Variants in MSI2 observed in about 807,000 individuals in gnomAD.
MSI2 encodes the protein RNA-binding protein Musashi homolog 2.
MSI2 carries 17 observed loss-of-function variants against 45.6 expected under a neutral mutation model. The ratio of observed to expected loss-of-function variants is 0.37; its 90% CI spans 0.26 to 0.56. MSI2 has a LOEUF of 0.56. Ranked by LOEUF, MSI2 falls within the 20% of genes least tolerant of loss-of-function variation. MSI2 has a pLI of 0.77. For synonymous variants in MSI2, 156 were observed against 158.2 expected (o/e 0.99, Z 0.11); for missense variants, 293 against 444.2 (o/e 0.66, Z 3.06).
chr17:57,469,702 G>C (rs2085397036), intron 6 of MSI2, among the ~76,000 whole-genome samples: 2 of 152,204 alleles, frequency 1.3e-5, no homozygotes, highest in Non-Finnish European at 1.5e-5. Context: ...AAAGTGAGAA[G>C]GGCAGGAACT....
the MSI2 span, among the ~76,000 whole-genome samples, chr17:57,698,081 A>G: frequency 2.0e-5 from 3 of 152,074 alleles, no homozygotes; most frequent in African/African-American, 4.8e-5. Context: ...ACACCCTCTC[A>G]GCAGGATTCT....
the MSI2 span, among the ~76,000 whole-genome samples, chr17:57,697,794 C>T: frequency 7.2e-5 from 11 of 152,200 alleles, no homozygotes; most frequent in Admixed American, 3.9e-4. Context: ...GAGAACAGTA[C>T]GGGGGAAACC....
At chr17:57,384,594 G>A (rs978454491) in intron 5 of MSI2, among the ~76,000 whole-genome samples, 1 of 152,194 alleles carries the variant, frequency 6.6e-6, no homozygotes, top group Non-Finnish European at 1.5e-5. Flanking sequence ...AGACTCGAGG[G>A]GAGGGACAGA....
chr17:57,400,326 T>G (rs1386581471), intron 5 of MSI2, among the ~76,000 whole-genome samples: 2 of 152,084 alleles, frequency 1.3e-5, no homozygotes, highest in African/African-American at 2.4e-5. Flanking sequence ...TTTTTCTTGA[T>G]TTTTGGCTCC....
At chr17:57,370,588 A>G (rs1323927460) in intron 5 of MSI2, among the ~76,000 whole-genome samples, 3 of 152,198 alleles carry the variant, frequency 2.0e-5, no homozygotes, top group African/African-American at 4.8e-5. Flanking sequence ...AATGATGGCC[A>G]GTTGACCACA....
At chr17:57,463,911 G>C (rs561063624) in intron 6 of MSI2, among the ~76,000 whole-genome samples, 1 of 152,092 alleles carries the variant, frequency 6.6e-6, no homozygotes, top group Non-Finnish European at 1.5e-5. Flanking sequence ...TCAGACTGAA[G>C]AGTTTACCTG....
At chr17:57,507,271 GTGTGTGTGTC>G (rs2143914903) in intron 6 of MSI2, among the ~76,000 whole-genome samples, 1 of 137,400 alleles carries the variant, frequency 7.3e-6, no homozygotes, top group African/African-American at 2.8e-5. Context: ...GTGTGTGTGT[GTGTGTGTGTC>G]TCCCCCACCC....
chr17:57,342,249 A>C (rs1915232316), intron 5 of MSI2, among the ~76,000 whole-genome samples: 1 of 152,200 alleles, frequency 6.6e-6, no homozygotes, highest in Non-Finnish European at 1.5e-5. Flanking sequence ...CACCTCTTTG[A>C]TACATGGACA....
chr17:57,506,924 G>A (rs561989459), intron 6 of MSI2, among the ~76,000 whole-genome samples: 1 of 152,232 alleles, frequency 6.6e-6, no homozygotes, highest in South Asian at 2.1e-4. Context: ...AGGATCTGTA[G>A]GGTGATTTTC....
At chr17:57,340,811 G>A (rs145797806) in intron 5 of MSI2, among the ~76,000 whole-genome samples, 45 of 152,276 alleles carry the variant, frequency 3.0e-4, no homozygotes, top group Non-Finnish European at 4.3e-4. Context: ...GATTTCCAGC[G>A]TGCCAGACAT....
At chr17:57,402,927 T>A (rs2143111325) in intron 6 of MSI2, among the ~76,000 whole-genome samples, 1 of 152,288 alleles carries the variant, frequency 6.6e-6, no homozygotes, top group Non-Finnish European at 1.5e-5. Flanking sequence ...TCTTCCAGAC[T>A]GATGTAAAGC....
chr17:57,326,770 G>A (rs1477592578), intron 5 of MSI2, among the ~76,000 whole-genome samples: 4 of 152,228 alleles, frequency 2.6e-5, no homozygotes, highest in African/African-American at 9.6e-5. Flanking sequence ...GGCAGCTGCT[G>A]CTGAAGTAGC....
rs1905246503 is a variant in MSI2, at chr17:57,596,349, C to T, written c.455-519C>T. On this transcript the variant is annotated intron_variant, in intron 7 of 13. Coordinates refer to ENST00000284073, the MANE Select transcript of MSI2 (RefSeq NM_138962.4). This position sits in a 1 kb window ranked among gnomAD's most constrained non-coding sequence, Gnocchi z 4.6. ...GTATAAAAAGGATGCCTGCGCGGAA[C>T]AGAGGCCTGAAACTTTTAATAGTTT... Among the ~76,000 whole-genome samples the T allele has an allele frequency of 6.6e-6, 1 of 152,244 alleles. No individual in the cohort carries two copies. Among genetic ancestry groups the T allele is most frequent in the Non-Finnish European group, 1.5e-5 (1 of 68,048 alleles).
At chr17:57,550,522 G>A (rs774783858) in intron 7 of MSI2, among the ~76,000 whole-genome samples, 8 of 152,238 alleles carry the variant, frequency 5.3e-5, no homozygotes, top group Non-Finnish European at 1.0e-4. Flanking sequence ...GGGGTCACAG[G>A]GAAAGAACAC....
intron 5 of MSI2, among the ~76,000 whole-genome samples, chr17:57,347,722 G>C (rs1915723995): frequency 6.6e-6 from 1 of 152,204 alleles, no homozygotes; most frequent in Non-Finnish European, 1.5e-5. Flanking sequence ...GAGTAGGTTT[G>C]TCTCTAGGTT....
chr17:57,464,180 C>T (rs1026943222), intron 6 of MSI2, among the ~76,000 whole-genome samples: 1 of 152,080 alleles, frequency 6.6e-6, no homozygotes, highest in South Asian at 2.1e-4. Flanking sequence ...CAGTGGCTCA[C>T]GCTTGTAATT....
chr17:57,367,531 A>G (rs1040959981), intron 5 of MSI2, among the ~76,000 whole-genome samples: 1 of 152,110 alleles, frequency 6.6e-6, no homozygotes, highest in African/African-American at 2.4e-5. Flanking sequence ...GGCCTGCCCC[A>G]TTGGGCCGGA....
intron 5 of MSI2, chr17:57,264,341 A>G (rs1481585766): frequency 6.6e-6 from 1 of 152,104 alleles, no homozygotes; most frequent in Non-Finnish European, 1.5e-5. Context: ...AAGACGTTGC[A>G]TGGTAATGCC....
chr17:57,284,848 C>G (rs4528641), intron 5 of MSI2, among the ~76,000 whole-genome samples: 4,066 of 151,686 alleles, frequency 0.027, 193 homozygotes, highest in African/African-American at 0.094. Context: ...GGGAGAAGCT[C>G]AAGTTGGCCA....
Sources: gnomAD v4.1 joint callset for allele counts (sites outside exome capture counted in the v4.1 genomes callset) on GRCh38, gnomAD v4.1.1 for gene constraint, Gnocchi (gnomAD v3.1) non-coding constraint, MANE v1.5 for transcripts, NCBI Gene and HGNC (gene_info 2026-07-23, HGNC 2026-07-21) for gene names.